BARX2: variants seen among roughly 807,000 people sequenced by gnomAD.
The protein encoded by BARX2 is BARX homeobox 2.
Under a neutral mutation model 25.5 loss-of-function variants are expected in BARX2, and 11 were observed. That is an observed-to-expected ratio of 0.43 (90% CI 0.27 to 0.71). The LOEUF is 0.71. Ranked by LOEUF, BARX2 falls within the 30% of genes least tolerant of loss-of-function variation. The probability of loss-of-function intolerance (pLI) is 0.19; values close to 1 mark genes in which losing one functional copy is unlikely to be tolerated. For synonymous variants in BARX2, 137 were observed against 149.5 expected, an observed-to-expected ratio of 0.92 and a Z score of 0.61; for missense variants, 360 against 359.9, an observed-to-expected ratio of 1.00 and a Z score of 0.00.
At chr11:129,386,875 C>T (rs371480244) in intron 1 of BARX2, among the ~76,000 whole-genome samples, 1 of 152,228 alleles carries the variant, frequency 6.6e-6, no homozygotes. Context: ...GCCACCACTC[C>T]TGTCTGCCTA....
chr11:129,387,076 G>T (rs1385943759), intron 1 of BARX2, among the ~76,000 whole-genome samples: 1 of 152,144 alleles, frequency 6.6e-6, no homozygotes, highest in Non-Finnish European at 1.5e-5. Flanking sequence ...GCGGGTTACG[G>T]GACAAAGTCC....
chr11:129,386,924 A>AG (rs1046742674), intron 1 of BARX2, among the ~76,000 whole-genome samples: 2 of 152,128 alleles, frequency 1.3e-5, no homozygotes, highest in Admixed American at 6.6e-5. Flanking sequence ...AAAGCTCTGG[A>AG]GGGGGGCCTC....
rs1862192785 is a variant in BARX2 at position 129,436,707 on chromosome 11, C to T, written c.188-44C>T. 1 of 1,526,332 alleles carries T rather than the reference C, an allele frequency of 6.6e-7. No homozygotes were observed. Among genetic ancestry groups the T allele is most frequent in the Non-Finnish European group, 8.8e-7 (1 of 1,132,754 alleles). 94.5% of individuals were successfully genotyped at this position (1,526,332 alleles called of 1,614,324 possible). A position where few individuals can be genotyped will look rare whatever the true frequency, so the allele number is the denominator to read the frequency against. ...CTCCGCAGGTCCTGGCCTGCTTCCC[C>T]ACACCGTTCCCTGTGGTGACCTGCC... On this transcript the variant is annotated intron_variant, in intron 1 of 3. Coordinates refer to ENST00000281437, the MANE Select transcript of BARX2 (RefSeq NM_003658.5). The surrounding 1 kb of genome is among the most constrained non-coding windows in gnomAD (Gnocchi z 4.5).
chr11:129,446,435 A>G (rs1862330040), intron 3 of BARX2, among the ~76,000 whole-genome samples: 1 of 152,208 alleles, frequency 6.6e-6, no homozygotes, highest in Admixed American at 6.5e-5. Flanking sequence ...TTTCCTCTCC[A>G]GTAAAAGGCC....
chr11:129,384,907 T>C (rs1311140450), intron 1 of BARX2, among the ~76,000 whole-genome samples: 1 of 152,136 alleles, frequency 6.6e-6, no homozygotes, highest in Non-Finnish European at 1.5e-5. Flanking sequence ...ATCATCTCCT[T>C]TGGTAATGGT....
chr11:129,397,481 C>T (rs1350545122), intron 1 of BARX2, among the ~76,000 whole-genome samples: 1 of 152,134 alleles, frequency 6.6e-6, no homozygotes. Context: ...ACCTTAAAAG[C>T]TTTCACGAAT....
chr11:129,386,569 C>T (rs915955334), intron 1 of BARX2, among the ~76,000 whole-genome samples: 1 of 152,176 alleles, frequency 6.6e-6, no homozygotes, highest in Non-Finnish European at 1.5e-5. Context: ...GGTGATCTCA[C>T]AGAGATGTCT....
At chr11:129,424,700 C>T (rs1306335934) in intron 1 of BARX2, among the ~76,000 whole-genome samples, 1 of 152,208 alleles carries the variant, frequency 6.6e-6, no homozygotes, top group Non-Finnish European at 1.5e-5. Flanking sequence ...CTTGTCTCTA[C>T]CAGTCAGCAC....
At chr11:129,419,807 G>A (rs970474190) in intron 1 of BARX2, among the ~76,000 whole-genome samples, 7 of 151,954 alleles carry the variant, frequency 4.6e-5, no homozygotes, top group African/African-American at 1.7e-4. Context: ...TTGAGATGGA[G>A]TCTCACTCTG....
chr11:129,418,413 C>T (rs7950745), intron 1 of BARX2, among the ~76,000 whole-genome samples: 1,577 of 152,236 alleles, frequency 0.01, 26 homozygotes, highest in African/African-American at 0.035. Context: ...TCAGCCCAAG[C>T]GGTTCCCCAG....
chr11:129,379,305 G>A (rs150199921), intron 1 of BARX2, among the ~76,000 whole-genome samples: 26 of 152,130 alleles, frequency 1.7e-4, no homozygotes, highest in African/African-American at 6.0e-4. Flanking sequence ...ATTGGTGAGG[G>A]GTGGAATATG....
chr11:129,377,036 C>T (rs1591422592), intron 1 of BARX2, among the ~76,000 whole-genome samples: 1 of 152,202 alleles, frequency 6.6e-6, no homozygotes, highest in East Asian at 1.9e-4. Context: ...CAAAGTATCT[C>T]GGCATTGTTA....
At chr11:129,408,453 G>A (rs1323472069) in intron 1 of BARX2, among the ~76,000 whole-genome samples, 3 of 152,172 alleles carry the variant, frequency 2.0e-5, no homozygotes, top group Non-Finnish European at 2.9e-5. Flanking sequence ...AACCCGCACA[G>A]GGATGCTTAG....
At chr11:129,423,868 T>A (rs908912119) in intron 1 of BARX2, among the ~76,000 whole-genome samples, 2 of 151,838 alleles carry the variant, frequency 1.3e-5, no homozygotes, top group Non-Finnish European at 2.9e-5. Context: ...TCCTTTTTTT[T>A]TTTTTTGTTG....
chr11:129,383,824 C>T (rs1445653878), intron 1 of BARX2, among the ~76,000 whole-genome samples: 2 of 152,158 alleles, frequency 1.3e-5, no homozygotes, highest in South Asian at 2.1e-4. Flanking sequence ...TCCTTAGGAA[C>T]ATATTCTTCT....
In BARX2 at chr11:129,376,673, T is replaced by A. The variant is rs995578165; in HGVS notation, c.187+451T>A. Among the ~76,000 whole-genome samples the A allele has an allele frequency of 6.6e-6, 1 of 152,234 alleles. No homozygotes were observed. The highest frequency in any genetic ancestry group is 2.4e-5 in the African/African-American group (1 of 41,460). On this transcript the variant is annotated intron_variant, in intron 1 of 3. Transcript: ENST00000281437. This position sits in a 1 kb window ranked among gnomAD's most constrained non-coding sequence, Gnocchi z 4.2. ...TGTGAATTTTGCAAGTAAATCAGTA[T>A]CCTGAGGTTCTCAACAAAATCTCGA... is the stretch of plus-strand genomic sequence containing the variant.
At chr11:129,437,194 C>A in intron 2 of BARX2, 143 bp downstream of exon 2, 1 of 999,360 alleles carries the variant, frequency 1.0e-6, no homozygotes, top group Non-Finnish European at 1.4e-6. Context: ...CAAATCATCT[C>A]AACCTTGGTT....
In BARX2 at chr11:129,390,359, T is replaced by C. The variant is rs1300285975; in HGVS notation, c.187+14137T>C. ...AGAAGGCTGACTTTGTCCCCTAGGG[T>C]CCTCAGAACCATAGAGTCTGAGTTT... On this transcript the variant is annotated intron_variant, in intron 1 of 3. Transcript: ENST00000281437. This position sits in a 1 kb window ranked among gnomAD's most constrained non-coding sequence, Gnocchi z 4.3. Among the ~76,000 whole-genome samples, 4 of 152,088 alleles carry C rather than the reference T, an allele frequency of 2.6e-5. No individual in the cohort carries two copies. Among genetic ancestry groups the C allele is most frequent in the Non-Finnish European group, 5.9e-5 (4 of 68,008 alleles).
chr11:129,446,978 G>A (rs1015560892), intron 3 of BARX2, among the ~76,000 whole-genome samples: 1 of 152,188 alleles, frequency 6.6e-6, no homozygotes, highest in Non-Finnish European at 1.5e-5. Context: ...GAGTCTGCTG[G>A]GAGGTTGGGT....
Sources: gnomAD v4.1 joint callset for allele counts (sites outside exome capture counted in the v4.1 genomes callset) on GRCh38, gnomAD v4.1.1 for gene constraint, Gnocchi (gnomAD v3.1) non-coding constraint, MANE v1.5 for transcripts, NCBI Gene and HGNC (gene_info 2026-07-23, HGNC 2026-07-21) for gene names.